Variants in BRD9 observed in about 807,000 individuals in gnomAD.
BRD9 encodes the protein bromodomain-containing protein 9.
BRD9 carries 47 observed loss-of-function variants against 68.7 expected under a neutral mutation model. The observed-to-expected ratio is 0.68, with a 90% CI of 0.54 to 0.87. The LOEUF (loss-of-function observed/expected upper bound fraction) is 0.87, where lower values mean the gene tolerates loss of function less well. Ranked by LOEUF, BRD9 falls within the 40% of genes least tolerant of loss-of-function variation. BRD9 has a pLI of 0.00. For missense variants in BRD9, 670 were observed against 748.4 expected, an observed-to-expected ratio of 0.90 and a Z score of 1.22; for synonymous variants, 313 against 293.9, an observed-to-expected ratio of 1.06 and a Z score of -0.67.
At position 878,360 on chromosome 5, in the gene BRD9, C is replaced by T. The variant is rs145445077; in HGVS notation, c.1266G>A (p.Ala422=). 68 of 1,613,832 alleles carry T rather than the reference C, an allele frequency of 4.2e-5. No homozygotes were observed. The African/African-American group carries it at 4.8e-4, about 11-fold the overall frequency. Residue 422 remains alanine, a synonymous_variant, in exon 11 of 16, where the codon GCG becomes GCA. Coordinates refer to ENST00000467963, the MANE Select transcript of BRD9 (RefSeq NM_023924.5). ...TCCCCGGGGCCGACACTTGCCTCAGCGCACACTGCACGCCTGTCTCATCTC... is the reference window on the plus strand; with the variant it reads ...TCCCCGGGGCCGACACTTGCCTCAGTGCACACTGCACGCCTGTCTCATCTC... ...AYGDETGVQC[A]LSLQEFVKDA...
intron 14 of BRD9, among the ~76,000 whole-genome samples, chr5:866,949 G>A (rs1021544308): frequency 3.9e-5 from 6 of 152,204 alleles, no homozygotes; most frequent in East Asian, 1.9e-4. Context: ...AGACATTTGC[G>A]TAAGTAAAGA....
chr5:890,764 A>T (rs2150659973), intron 3 of BRD9, among the ~76,000 whole-genome samples: 1 of 152,324 alleles, frequency 6.6e-6, no homozygotes, highest in East Asian at 1.9e-4. Flanking sequence ...GTGCAAACAA[A>T]ACCAAACTTC....
rs990833238 is a variant in BRD9, at chr5:892,650, T to C, written c.8A>G (p.Lys3Arg). 7 of 1,453,352 alleles carry C rather than the reference T, an allele frequency of 4.8e-6. No homozygotes were observed. The African/African-American group carries it at 7.4e-5, about 15-fold the overall frequency. 90.0% of individuals were successfully genotyped at this position (1,453,352 alleles called of 1,614,324 possible). A position where few individuals can be genotyped will look rare whatever the true frequency, so the allele number is the denominator to read the frequency against. Residue 3 changes from lysine to arginine, a missense_variant, in exon 1 of 16, where the codon AAG becomes AGG. Lys to Arg is a conservative substitution (Grantham distance 26). Coordinates refer to ENST00000467963, the MANE Select transcript of BRD9 (RefSeq NM_023924.5). MG[K>R]KHKKHKAEWR... is the part of the protein sequence containing the mutation. ...CTCGGCCTTGTGCTTCTTGTGCTTC[T>C]TGCCCATGGCGGCGCCGGCGGCGGG...
At chr5:883,879 A>G in intron 8 of BRD9, 59 bp downstream of exon 8, 1 of 1,578,152 alleles carries the variant, frequency 6.3e-7, no homozygotes, top group Non-Finnish European at 8.6e-7. Flanking sequence ...CCAGAAGGAG[A>G]GGCACACAGA....
intron 2 of BRD9, 161 bp from the exon 3 acceptor site, chr5:891,448 G>A: frequency 7.6e-7 from 1 of 1,317,024 alleles, no homozygotes; most frequent in Non-Finnish European, 1.0e-6. Context: ...ACCCTGGCAG[G>A]GTCTGCTGAG....
At position 864,219 on chromosome 5, in the gene BRD9, G is replaced by A. The variant is rs1359092301; in HGVS notation, c.*249C>T. The A allele has an allele frequency of 1.2e-5, 4 of 342,974 alleles. No homozygotes were observed. The highest frequency in any genetic ancestry group is 2.2e-5 in the Non-Finnish European group (4 of 180,420). 21.2% of individuals were successfully genotyped at this position (342,974 alleles called of 1,614,324 possible). A position where few individuals can be genotyped will look rare whatever the true frequency, so the allele number is the denominator to read the frequency against. On this transcript the variant is annotated 3_prime_UTR_variant, in exon 16 of 16. Transcript: ENST00000467963. ...ATGACTCCACTCCTCAGGGTTCACG[G>A]GGCTGTGTACAGAGACTCTCTCTGC...
chr5:892,512 G>A lies in BRD9; in HGVS notation c.52+94C>T. On this transcript the variant is annotated intron_variant, in intron 1 of 15. Transcript: ENST00000467963. ...ACCCCTCCCTCGTGGCCAGGACCTC[G>A]CCCGGTGCCCAGGACCCCCGTCCGC... 2.0e-6 allele frequency: 3 copies of A among 1,487,522 alleles called. No homozygotes were observed. In the East Asian group the frequency reaches 7.9e-5, roughly 39 times the overall value. The allele number at this position is 1,487,522 out of a possible 1,614,324, so 92.1% of individuals were successfully genotyped here.
At position 889,575 on chromosome 5, in the gene BRD9, G is replaced by A. The variant is rs1753048361; in HGVS notation, c.461+12C>T. ...CCCCAGACACTAGCTCTTCAGAAAC[G>A]CCCCGGTTTACCTCTGAAGCTGGCG... On this transcript the variant is annotated intron_variant, in intron 4 of 15. Coordinates refer to ENST00000467963, the MANE Select transcript of BRD9 (RefSeq NM_023924.5). 5.6e-6 allele frequency: 9 copies of A among 1,613,184 alleles called. No homozygotes were observed. The highest frequency in any genetic ancestry group is 1.7e-4 in the Middle Eastern group (1 of 6,058).
At chr5:870,450 G>A in intron 14 of BRD9, 23 bp downstream of exon 14, 1 of 1,573,952 alleles carries the variant, frequency 6.4e-7, no homozygotes, top group Non-Finnish European at 8.7e-7. Context: ...AGGTGCTGTG[G>A]GAAAGTGCCT....
intron 8 of BRD9, chr5:883,418 T>C: frequency 2.2e-6 from 1 of 456,992 alleles, no homozygotes; most frequent in Non-Finnish European, 4.4e-6. Flanking sequence ...CTGTGCTCTG[T>C]TTCCACTGAA....
Position 881,381 on chromosome 5 carries a change from C to G in BRD9, c.967-199G>C, listed in dbSNP as rs1288059716. ...AGCGCGCACAGGTGCCAAGGAGAAC[C>G]TCTTAGGCTCCCCATGGCCCTGCTA... is the stretch of plus-strand genomic sequence containing the variant. On this transcript the variant is annotated intron_variant, in intron 8 of 15. Coordinates refer to ENST00000467963, the MANE Select transcript of BRD9 (RefSeq NM_023924.5). 6.6e-6 allele frequency: 4 copies of G among 605,904 alleles called. No individual in the cohort carries two copies. In the African/African-American group the frequency reaches 7.4e-5, roughly 11 times the overall value. The allele number at this position is 605,904 out of a possible 1,614,324, so 37.5% of individuals were successfully genotyped here. A position where few individuals can be genotyped will look rare whatever the true frequency, so the allele number is the denominator to read the frequency against.
At position 889,463 on chromosome 5, in the gene BRD9, A is replaced by C. The variant is rs1753027950; in HGVS notation, c.461+124T>G. ...CCTACGCACCCCGAAGTGGACTGGG[A>C]GTCACCAAGAGAAGGTGCAGGGTCT... On this transcript the variant is annotated intron_variant, in intron 4 of 15. Coordinates refer to ENST00000467963, the MANE Select transcript of BRD9 (RefSeq NM_023924.5). 64 of 1,055,428 alleles carry C rather than the reference A, an allele frequency of 6.1e-5. 4 individuals carry two copies. In the South Asian group the frequency reaches 9.6e-4, roughly 16 times the overall value. The allele number at this position is 1,055,428 out of a possible 1,614,324, so 65.4% of individuals were successfully genotyped here.
chr5:891,081 G>A (rs527422337), intron 3 of BRD9, 74 bp downstream of exon 3: 16 of 1,464,152 alleles, frequency 1.1e-5, no homozygotes, highest in Non-Finnish European at 1.5e-5. Flanking sequence ...CAAAGCAACA[G>A]GACACGGTGC....
intron 9 of BRD9, 97 bp downstream of exon 9, chr5:881,010 C>A: frequency 7.8e-7 from 1 of 1,287,296 alleles, no homozygotes; most frequent in Admixed American, 1.8e-5. Flanking sequence ...CTCATGCTGC[C>A]CCATGGCCAT....
At chr5:887,950 A>C (rs536453612) in intron 5 of BRD9, among the ~76,000 whole-genome samples, 1 of 152,356 alleles carries the variant, frequency 6.6e-6, no homozygotes, top group East Asian at 1.9e-4. Context: ...GCCCCACAAA[A>C]GGACAACCTT....
rs1012442064 is a variant in BRD9, at chr5:881,169, T to C, written c.980A>G (p.Lys327Arg). The C allele has an allele frequency of 6.2e-7, 1 of 1,614,028 alleles. No individual in the cohort carries two copies. The highest frequency in any genetic ancestry group is 8.5e-7 in the Non-Finnish European group (1 of 1,180,032). ...GAGCAGGCTCCCGTCCCCGTTCCTC[T>C]TCAGATAGCCCATCTGGAAGGAAGC... The part of the protein sequence containing the change: ...FLPGGKMGYL[K>R]RNGDGSLLYS... The change falls in exon 9 of 16, where the codon AAG becomes AGG. Residue 327 changes from lysine to arginine, a missense_variant. Coordinates refer to ENST00000467963, the MANE Select transcript of BRD9 (RefSeq NM_023924.5).
intron 12 of BRD9, among the ~76,000 whole-genome samples, chr5:872,986 G>A (rs1350673889): frequency 2.0e-5 from 3 of 152,212 alleles, no homozygotes; most frequent in Non-Finnish European, 2.9e-5. Context: ...CCAACATGGC[G>A]AAACTCCGCC....
At chr5:883,726 G>A (rs1228586264) in intron 8 of BRD9, 1 of 648,518 alleles carries the variant, frequency 1.5e-6, no homozygotes, top group African/African-American at 1.8e-5. Context: ...CACGATGCAT[G>A]AAACACCAGC....
intron 12 of BRD9, among the ~76,000 whole-genome samples, chr5:872,429 G>A (rs930188437): frequency 3.9e-5 from 6 of 152,174 alleles, no homozygotes; most frequent in Admixed American, 6.5e-5. Flanking sequence ...AACCCAGAGA[G>A]GAAACCACAG....
Sources: allele counts gnomAD v4.1 joint callset (sites outside exome capture counted in the v4.1 genomes callset), GRCh38; gene constraint gnomAD v4.1.1; transcripts MANE v1.5; gene names NCBI Gene and HGNC (gene_info 2026-07-23, HGNC 2026-07-21).